The following ARL15 variants were observed in gnomAD, a reference collection of about 807,000 sequenced individuals.
The protein encoded by ARL15 is ADP-ribosylation factor-like protein 15.
ARL15 carries 19 observed loss-of-function variants against 25.2 expected under a neutral mutation model. The observed-to-expected ratio is 0.75, with a 90% CI of 0.53 to 1.10. The LOEUF (loss-of-function observed/expected upper bound fraction) is 1.10. Among genes scored for constraint, ARL15 ranks in the 50% least tolerant of loss-of-function variants. The pLI is 0.00. For missense variants in ARL15, 220 were observed against 246.0 expected (o/e 0.89, Z 0.71); for synonymous variants, 94 against 86.8 (o/e 1.08, Z -0.46).
At chr5:54,204,730 G>A (rs545828194) in intron 1 of ARL15, among the ~76,000 whole-genome samples, 2 of 152,198 alleles carry the variant, frequency 1.3e-5, no homozygotes, top group East Asian at 1.9e-4. Flanking sequence ...AAAGCACACC[G>A]TAGGTATTGT....
At chr5:54,100,076 T>C (rs1752393077) in intron 4 of ARL15, among the ~76,000 whole-genome samples, 1 of 152,100 alleles carries the variant, frequency 6.6e-6, no homozygotes, top group African/African-American at 2.4e-5. Context: ...ACAAAGATAT[T>C]TATCAACAGC....
At chr5:54,141,275 A>C (rs1579841301) in intron 3 of ARL15, among the ~76,000 whole-genome samples, 1 of 152,296 alleles carries the variant, frequency 6.6e-6, no homozygotes, top group East Asian at 1.9e-4. Flanking sequence ...TAGAGTTTGA[A>C]GTGCTTACAC....
intron 4 of ARL15, among the ~76,000 whole-genome samples, chr5:53,893,715 C>G (rs1041092877): frequency 1.3e-5 from 2 of 152,206 alleles, no homozygotes; most frequent in East Asian, 3.9e-4. Flanking sequence ...TTGCTGCCTT[C>G]ATTACAGAGG....
chr5:54,122,310 T>C (rs187856855), intron 3 of ARL15, among the ~76,000 whole-genome samples: 1 of 152,346 alleles, frequency 6.6e-6, no homozygotes, highest in East Asian at 1.9e-4. Context: ...AGTACAGGTG[T>C]CTTCAACTAG....
At chr5:53,985,153 A>G (rs1000190246) in intron 4 of ARL15, among the ~76,000 whole-genome samples, 3 of 152,110 alleles carry the variant, frequency 2.0e-5, no homozygotes, top group Admixed American at 1.3e-4. Context: ...GGTGCTCCCA[A>G]TTCTACATAA....
At chr5:54,074,905 T>C (rs780297777) in intron 4 of ARL15, among the ~76,000 whole-genome samples, 1 of 151,704 alleles carries the variant, frequency 6.6e-6, no homozygotes, top group Non-Finnish European at 1.5e-5. Context: ...GTCTCAGTGG[T>C]AGCAATCTTC....
At chr5:54,163,867 A>G (rs1260698475) in intron 2 of ARL15, among the ~76,000 whole-genome samples, 1 of 151,908 alleles carries the variant, frequency 6.6e-6, no homozygotes, top group Non-Finnish European at 1.5e-5. Context: ...TGGTTTTACT[A>G]ATTTTCTCTA....
intron 1 of ARL15, among the ~76,000 whole-genome samples, chr5:54,232,556 G>T (rs1490678991): frequency 1.3e-5 from 2 of 152,156 alleles, no homozygotes; most frequent in African/African-American, 2.4e-5. Flanking sequence ...GCCTTATGCT[G>T]CATTTGGGGG....
At chr5:53,895,790 A>T (rs1279564612) in intron 4 of ARL15, among the ~76,000 whole-genome samples, 2 of 152,166 alleles carry the variant, frequency 1.3e-5, no homozygotes, top group African/African-American at 2.4e-5. Flanking sequence ...TTATAATTCC[A>T]TTTATAAGTT....
At chr5:54,119,055 C>T (rs1752994774) in intron 3 of ARL15, among the ~76,000 whole-genome samples, 1 of 152,066 alleles carries the variant, frequency 6.6e-6, no homozygotes, top group Non-Finnish European at 1.5e-5. Context: ...GACATTGGCC[C>T]CTCCTTTATG....
At chr5:54,002,805 A>G (rs1406795024) in intron 4 of ARL15, among the ~76,000 whole-genome samples, 1 of 152,170 alleles carries the variant, frequency 6.6e-6, no homozygotes, top group East Asian at 1.9e-4. Flanking sequence ...GCTGCCCTGT[A>G]ATATATGTTT....
intron 1 of ARL15, among the ~76,000 whole-genome samples, chr5:54,183,758 C>T (rs1174520076): frequency 1.3e-5 from 2 of 150,468 alleles, no homozygotes; most frequent in African/African-American, 2.5e-5. Flanking sequence ...GGGTATATAC[C>T]CAAATGACTA....
chr5:54,222,905 C>T (rs1203916036), intron 1 of ARL15, among the ~76,000 whole-genome samples: 5 of 152,012 alleles, frequency 3.3e-5, no homozygotes, highest in Non-Finnish European at 7.4e-5. Flanking sequence ...CTGCAACCTC[C>T]GCCTCCCGGG....
intron 4 of ARL15, among the ~76,000 whole-genome samples, chr5:54,007,269 GT>G (rs1167555259): frequency 6.6e-6 from 1 of 152,104 alleles, no homozygotes; most frequent in Non-Finnish European, 1.5e-5. Context: ...CTCTTTGTCA[GT>G]TTTATGCACT....
chr5:53,965,905 C>T (rs1454873090), intron 4 of ARL15, among the ~76,000 whole-genome samples: 4 of 152,136 alleles, frequency 2.6e-5, no homozygotes, highest in Admixed American at 1.3e-4. Flanking sequence ...GAGTGGGGAA[C>T]ATCGACAAAC....
At chr5:54,290,953 T>G (rs1272503698) in intron 1 of ARL15, among the ~76,000 whole-genome samples, 2 of 152,186 alleles carry the variant, frequency 1.3e-5, no homozygotes, top group African/African-American at 4.8e-5. Context: ...CCTCAAAATA[T>G]TCAAATGGCC....
At chr5:54,106,788 CG>C (rs1224777696) in intron 4 of ARL15, among the ~76,000 whole-genome samples, 1 of 151,748 alleles carries the variant, frequency 6.6e-6, no homozygotes, top group Admixed American at 6.6e-5. Context: ...ATAAACAAGC[CG>C]TAATTCCTGT....
chr5:53,961,520 A>AG (rs1464833106), intron 4 of ARL15, among the ~76,000 whole-genome samples: 1 of 145,020 alleles, frequency 6.9e-6, no homozygotes, highest in African/African-American at 2.6e-5. Flanking sequence ...AAAAAAAAAA[A>AG]TCATTCCCAT....
intron 1 of ARL15, among the ~76,000 whole-genome samples, chr5:54,300,702 A>G (rs1321735419): frequency 1.3e-5 from 2 of 152,192 alleles, no homozygotes; most frequent in South Asian, 2.1e-4. Flanking sequence ...TGTTAAATCC[A>G]TCTACATTTA....
Sources: gnomAD v4.1 joint callset for allele counts (sites outside exome capture counted in the v4.1 genomes callset) on GRCh38, gnomAD v4.1.1 for gene constraint, MANE v1.5 for transcripts, NCBI Gene and HGNC (gene_info 2026-07-23, HGNC 2026-07-21) for gene names.